KALRN: variants seen among roughly 807,000 people sequenced by gnomAD.
The protein encoded by KALRN is kalirin.
In KALRN, 70 loss-of-function variants were observed where a neutral mutation model predicts 353.7. The observed-to-expected ratio is 0.20, with a 90% CI of 0.16 to 0.24. The LOEUF (loss-of-function observed/expected upper bound fraction) is 0.24. Ranked by LOEUF, KALRN falls within the 10% of genes least tolerant of loss-of-function variation. The probability of loss-of-function intolerance (pLI) is 1.00; values close to 1 mark genes in which losing one functional copy is unlikely to be tolerated. For synonymous variants in KALRN, 1,391 were observed against 1,434.8 expected (o/e 0.97, Z 0.69); for missense variants, 2,791 against 3,756.7 (o/e 0.74, Z 6.72).
In KALRN at chr3:124,325,859, G is replaced by A. The variant is rs956873931; in HGVS notation, c.1093-121G>A. The A allele has an allele frequency of 6.7e-6, 5 of 742,222 alleles. No individual in the cohort carries two copies. In the African/African-American group the frequency reaches 8.7e-5, roughly 13 times the overall value. 46.0% of individuals were successfully genotyped at this position (742,222 alleles called of 1,614,324 possible). A position where few individuals can be genotyped will look rare whatever the true frequency, so the allele number is the denominator to read the frequency against. Reference sequence around the variant, plus strand: ...AAAAACAAATACACTAGTATGGACTGTACCAGCGTCTCTCAGACTTTTGTT... The same window carrying A: ...AAAAACAAATACACTAGTATGGACTATACCAGCGTCTCTCAGACTTTTGTT... On this transcript the variant is annotated intron_variant, in intron 6 of 59. Coordinates refer to ENST00000682506, the MANE Select transcript of KALRN (RefSeq NM_001388419.1).
intron 10 of KALRN, among the ~76,000 whole-genome samples, chr3:124,358,408 C>T (rs1576261226): frequency 6.6e-6 from 1 of 152,024 alleles, no homozygotes; most frequent in African/African-American, 2.4e-5. Flanking sequence ...TTTAAAAACT[C>T]GCTGTTATTA....
chr3:124,085,667 T>G (rs917938838), intron 1 of KALRN, among the ~76,000 whole-genome samples: 1 of 152,184 alleles, frequency 6.6e-6, no homozygotes, highest in Non-Finnish European at 1.5e-5. Context: ...GAGCACCTCC[T>G]TTTTCAGAAA....
chr3:124,044,865 CCTTCCTTCCTTCCTTCCT>C (rs1365655233), intron 1 of KALRN, among the ~76,000 whole-genome samples: 2 of 24,040 alleles, frequency 8.3e-5, no homozygotes, highest in African/African-American at 2.0e-4. Context: ...CTCCCTCCTT[CCTTCCTTCCTTCCTTCCT>C]TCCTTCCTTC....
intron 6 of KALRN, among the ~76,000 whole-genome samples, chr3:124,323,643 G>A (rs2079573657): frequency 6.6e-6 from 1 of 152,168 alleles, no homozygotes; most frequent in Non-Finnish European, 1.5e-5. Context: ...ATGACAAAGG[G>A]CTGGGTGTCT....
intron 1 of KALRN, among the ~76,000 whole-genome samples, chr3:124,128,030 G>A (rs1165549942): frequency 6.6e-6 from 1 of 152,044 alleles, no homozygotes; most frequent in Non-Finnish European, 1.5e-5. Context: ...TCCTTGACAT[G>A]TAGAATATGT....
chr3:124,446,119 T>C (rs768708352), intron 19 of KALRN, 42 bp from the exon 20 acceptor site: 12 of 1,418,100 alleles, frequency 8.5e-6, no homozygotes, highest in Non-Finnish European at 1.2e-5. Flanking sequence ...TTGGATTTGC[T>C]CAGAGCCCCT....
intron 33 of KALRN, among the ~76,000 whole-genome samples, chr3:124,556,518 T>C (rs925855966): frequency 6.6e-6 from 1 of 152,154 alleles, no homozygotes; most frequent in Non-Finnish European, 1.5e-5. Context: ...AGAAGTTTAG[T>C]AGAGGAAGGA....
At chr3:124,552,583 A>G (rs548506762) in intron 33 of KALRN, among the ~76,000 whole-genome samples, 71 of 152,308 alleles carry the variant, frequency 4.7e-4, no homozygotes, top group African/African-American at 1.5e-3. Flanking sequence ...TTTCTCTAGG[A>G]TGCCCAGTAT....
At chr3:124,496,559 C>T in intron 33 of KALRN, 146 bp downstream of exon 33, 1 of 644,676 alleles carries the variant, frequency 1.6e-6, no homozygotes, top group Admixed American at 2.4e-5. Context: ...GAGGAAAGAA[C>T]AGGGCTGGAG....
At chr3:124,414,672 C>T (rs3755665) in intron 14 of KALRN, among the ~76,000 whole-genome samples, 3 of 151,940 alleles carry the variant, frequency 2.0e-5, no homozygotes, top group Non-Finnish European at 2.9e-5. Context: ...TCTTGAGGAC[C>T]GCTGGTTGAG....
chr3:124,553,567 C>T (rs1416761473), intron 33 of KALRN, among the ~76,000 whole-genome samples: 2 of 152,350 alleles, frequency 1.3e-5, no homozygotes, highest in East Asian at 3.9e-4. Context: ...TCTTCTCTCT[C>T]TCTAACCATG....
intron 1 of KALRN, among the ~76,000 whole-genome samples, chr3:124,059,921 C>T (rs1232296628): frequency 7.9e-5 from 12 of 152,100 alleles, no homozygotes; most frequent in Admixed American, 7.9e-4. Flanking sequence ...CTATGGTGGC[C>T]CATGGTATCT....
chr3:124,102,285 A>C (rs1003911947), intron 1 of KALRN, among the ~76,000 whole-genome samples: 10 of 152,162 alleles, frequency 6.6e-5, no homozygotes, highest in African/African-American at 2.4e-4. Context: ...ATCACAGAAC[A>C]ATTCCCTGTT....
chr3:124,676,966 G>A (rs981874332), intron 49 of KALRN, among the ~76,000 whole-genome samples: 5 of 152,230 alleles, frequency 3.3e-5, no homozygotes, highest in African/African-American at 9.6e-5. Context: ...TACTGTGATT[G>A]CTCTTTCCTG....
intron 1 of KALRN, among the ~76,000 whole-genome samples, chr3:124,047,446 G>A (rs1183594732): frequency 7.0e-6 from 1 of 143,660 alleles, no homozygotes; most frequent in Non-Finnish European, 1.5e-5. Flanking sequence ...GTAAAATAAG[G>A]TTTTATTTAG....
chr3:124,677,215 A>T (rs1180786930), intron 49 of KALRN: 1 of 163,028 alleles, frequency 6.1e-6, no homozygotes, highest in African/African-American at 2.4e-5. Flanking sequence ...CGTCTTACTT[A>T]TTCCAGACAA....
At chr3:124,604,814 G>A (rs1177307260) in intron 34 of KALRN, among the ~76,000 whole-genome samples, 1 of 151,368 alleles carries the variant, frequency 6.6e-6, no homozygotes, top group African/African-American at 2.4e-5. Context: ...AGCCTCCTGA[G>A]TAGGTGGGAC....
chr3:124,315,185 G>A (rs574610895), intron 6 of KALRN, among the ~76,000 whole-genome samples: 4 of 152,308 alleles, frequency 2.6e-5, no homozygotes, highest in South Asian at 4.1e-4. Flanking sequence ...GGGAGAAAGA[G>A]TGCCTGTGTT....
intron 1 of KALRN, among the ~76,000 whole-genome samples, chr3:124,050,261 C>T (rs552311338): frequency 2.3e-4 from 35 of 152,350 alleles, no homozygotes; most frequent in Admixed American, 5.2e-4. Context: ...CTACATATGG[C>T]AGCCTCTTAG....
Sources: allele counts gnomAD v4.1 joint callset (sites outside exome capture counted in the v4.1 genomes callset), GRCh38; gene constraint gnomAD v4.1.1; transcripts MANE v1.5; gene names NCBI Gene and HGNC (gene_info 2026-07-23, HGNC 2026-07-21).